Variants in PTPN12 observed in about 807,000 individuals in gnomAD.
The protein encoded by PTPN12 is protein tyrosine phosphatase non-receptor type 12.
A neutral mutation model predicts 97.6 loss-of-function variants in PTPN12; 29 were observed. The ratio of observed to expected loss-of-function variants is 0.30; its 90% CI spans 0.22 to 0.41. The LOEUF is 0.41. Ranked by LOEUF, PTPN12 falls within the 10% of genes least tolerant of loss-of-function variation. The pLI, the probability that PTPN12 is intolerant of heterozygous loss-of-function variation, is 1.00. For missense variants in PTPN12, 819 were observed against 926.0 expected (o/e 0.88, Z 1.50); for synonymous variants, 327 against 300.4 (o/e 1.09, Z -0.91).
intron 2 of PTPN12, among the ~76,000 whole-genome samples, chr7:77,580,620 T>C (rs754685431): frequency 7.9e-5 from 12 of 152,148 alleles, no homozygotes; most frequent in Non-Finnish European, 1.6e-4. Flanking sequence ...AAAAATTATA[T>C]ACATATTCCT....
chr7:77,630,915 C>T (rs1228460951), intron 13 of PTPN12, among the ~76,000 whole-genome samples: 2 of 152,152 alleles, frequency 1.3e-5, no homozygotes, highest in Non-Finnish European at 2.9e-5. Flanking sequence ...GAGAAACATG[C>T]ATTTGCAAAG....
Position 77,537,513 on chromosome 7 carries a change from G to C in PTPN12, c.-34G>C. On this transcript the variant is annotated 5_prime_UTR_variant, in exon 1 of 18. Transcript: ENST00000248594. ...TGTGCCGGGCGGGCGGGCGGCGGGG[G>C]GGCCAGCGACCGCAGCCGGGGGGAC... The C allele has an allele frequency of 1.9e-6, 3 of 1,560,674 alleles. No individual in the cohort carries two copies. The highest frequency in any genetic ancestry group is 2.6e-6 in the Non-Finnish European group (3 of 1,155,112).
chr7:77,585,984 C>T (rs1170949319), intron 5 of PTPN12, among the ~76,000 whole-genome samples: 2 of 152,130 alleles, frequency 1.3e-5, no homozygotes, highest in Non-Finnish European at 2.9e-5. Flanking sequence ...GACAGAGTCT[C>T]GCTCTGTTGC....
At chr7:77,628,998 G>C (rs999524692) in intron 13 of PTPN12, among the ~76,000 whole-genome samples, 1 of 152,144 alleles carries the variant, frequency 6.6e-6, no homozygotes, top group African/African-American at 2.4e-5. Flanking sequence ...TGCCCAGGCT[G>C]AAGTGCAGTG....
At chr7:77,544,642 T>G (rs1483594517) in intron 1 of PTPN12, among the ~76,000 whole-genome samples, 1 of 152,240 alleles carries the variant, frequency 6.6e-6, no homozygotes, top group Admixed American at 6.5e-5. Flanking sequence ...TGTTCATATG[T>G]TAAATACTTC....
At chr7:77,578,677 A>G (rs1465225076) in intron 2 of PTPN12, among the ~76,000 whole-genome samples, 1 of 152,124 alleles carries the variant, frequency 6.6e-6, no homozygotes, top group Non-Finnish European at 1.5e-5. Context: ...GTCTGTTAAC[A>G]TTTCCGTATT....
chr7:77,611,706 G>A (rs557567348), intron 11 of PTPN12, among the ~76,000 whole-genome samples: 2 of 152,274 alleles, frequency 1.3e-5, no homozygotes, highest in South Asian at 2.1e-4. Context: ...TGGCCTCCCA[G>A]TGTGCAATGT....
intron 11 of PTPN12, among the ~76,000 whole-genome samples, chr7:77,611,358 C>G (rs1478516874): frequency 9.9e-5 from 15 of 152,120 alleles, no homozygotes; most frequent in African/African-American, 3.6e-4. Context: ...CTCTTCCCTT[C>G]CACCCCCACC....
intron 1 of PTPN12, chr7:77,538,135 C>G: frequency 9.1e-6 from 9 of 985,190 alleles, no homozygotes; most frequent in Non-Finnish European, 1.1e-5. Context: ...GATCCCTTTG[C>G]TCTAGCTGGT....
At chr7:77,619,640 A>G (rs565363945) in intron 12 of PTPN12, among the ~76,000 whole-genome samples, 1 of 152,326 alleles carries the variant, frequency 6.6e-6, no homozygotes, top group South Asian at 2.1e-4. Context: ...CACTGAATGA[A>G]CTTTGACAAG....
chr7:77,592,085 G>C (rs1216894780), intron 5 of PTPN12, 100 bp from the exon 6 acceptor site: 142 of 995,232 alleles, frequency 1.4e-4, no homozygotes, highest in Non-Finnish European at 1.7e-4. Context: ...TTCTGTTTTG[G>C]GGAAGTAGAA....
In PTPN12 at chr7:77,627,232, A is replaced by G. The variant is rs1405455972; in HGVS notation, c.1553A>G (p.Asp518Gly). Residue 518 changes from aspartate (D) to glycine (G), a missense_variant, in exon 13 of 18, where the codon GAC (aspartate) becomes GGC (glycine). By Grantham distance (94) the Asp-to-Gly change is moderately conservative. Coordinates refer to ENST00000248594, the MANE Select transcript of PTPN12 (RefSeq NM_002835.4). ...CCACCAGAAGAATCCCAGAATTCAG[A>G]CACACCTCCAAGGCCAGACCGCTTG... ...VTPPEESQNS[D>G]TPPRPDRLPL... 6.2e-7 allele frequency: 1 copy of G among 1,614,162 alleles called. No individual in the cohort carries two copies. The highest frequency in any genetic ancestry group is 1.7e-5 in the Admixed American group (1 of 60,026).
In PTPN12 at chr7:77,639,409, G is replaced by A. The variant is rs2151416710; in HGVS notation, c.*129G>A. 1.4e-6 allele frequency: 1 copy of A among 712,876 alleles called. No individual in the cohort carries two copies. Among genetic ancestry groups the A allele is most frequent in the South Asian group, 2.0e-5 (1 of 50,262 alleles). 44.2% of individuals were successfully genotyped at this position (712,876 alleles called of 1,614,324 possible). On this transcript the variant is annotated 3_prime_UTR_variant, in exon 18 of 18. Coordinates refer to ENST00000248594, the MANE Select transcript of PTPN12 (RefSeq NM_002835.4). ...GTAGATTGTTACCTTAATATTTTTT[G>A]CTGGGACCATCTACCTGCCTTATAC...
intron 17 of PTPN12, 63 bp downstream of exon 17, chr7:77,638,794 A>C: frequency 5.1e-5 from 77 of 1,523,824 alleles, no homozygotes; most frequent in Non-Finnish European, 5.6e-5. Flanking sequence ...AGAAAAGCTC[A>C]TTTGCCATTG....
chr7:77,552,300 GT>G (rs71981947), intron 1 of PTPN12, among the ~76,000 whole-genome samples: 28,246 of 144,812 alleles, frequency 0.2, 3,645 homozygotes, highest in East Asian at 0.69. Context: ...TTTAAAGTAT[GT>G]TTTTTTTTTT....
chr7:77,617,090 T>A (rs191082592), intron 11 of PTPN12, among the ~76,000 whole-genome samples: 30 of 152,104 alleles, frequency 2.0e-4, no homozygotes, highest in African/African-American at 6.0e-4. Context: ...GCCTAGGGGG[T>A]ACCTTTTTGA....
chr7:77,543,869 A>C (rs1212731870), intron 1 of PTPN12, among the ~76,000 whole-genome samples: 1 of 152,194 alleles, frequency 6.6e-6, no homozygotes, highest in Non-Finnish European at 1.5e-5. Context: ...ATGGCTGAAT[A>C]ATATTCTATT....
chr7:77,603,944 A>G (rs1211674892), intron 8 of PTPN12, among the ~76,000 whole-genome samples: 2 of 132,934 alleles, frequency 1.5e-5, no homozygotes, highest in African/African-American at 3.0e-5. Flanking sequence ...GCTGGAGTGC[A>G]ATGGCACGAT....
chr7:77,579,875 G>A (rs1424049770), intron 2 of PTPN12, among the ~76,000 whole-genome samples: 1 of 152,124 alleles, frequency 6.6e-6, no homozygotes, highest in Non-Finnish European at 1.5e-5. Flanking sequence ...TTCAAGAAAT[G>A]GAAATTAAAA....
Sources: gnomAD v4.1 joint callset for allele counts (sites outside exome capture counted in the v4.1 genomes callset) on GRCh38, gnomAD v4.1.1 for gene constraint, MANE v1.5 for transcripts, NCBI Gene and HGNC (gene_info 2026-07-23, HGNC 2026-07-21) for gene names.